GRIA2: variants seen among roughly 807,000 people sequenced by gnomAD.
The protein encoded by GRIA2 is glutamate ionotropic receptor AMPA type subunit 2.
In GRIA2, 14 loss-of-function variants were observed where a neutral mutation model predicts 97.3. The observed-to-expected ratio is 0.14, with a 90% confidence interval of 0.10 to 0.23. The LOEUF is 0.23. Among genes scored for constraint, GRIA2 ranks in the 10% least tolerant of loss-of-function variants. The pLI is 1.00. For synonymous variants in GRIA2, 412 were observed against 387.8 expected, an observed-to-expected ratio of 1.06 and a Z score of -0.73; for missense variants, 558 against 1,069.8, an observed-to-expected ratio of 0.52 and a Z score of 6.67.
intron 12 of GRIA2, among the ~76,000 whole-genome samples, chr4:157,348,594 T>C (rs561855094): frequency 6.6e-6 from 1 of 152,094 alleles, no homozygotes; most frequent in African/African-American, 2.4e-5. Flanking sequence ...CAATGACAAA[T>C]ATTATCAAAG....
chr4:157,318,267 T>G (rs997327544), intron 5 of GRIA2, among the ~76,000 whole-genome samples: 23 of 152,270 alleles, frequency 1.5e-4, no homozygotes, highest in East Asian at 1.9e-4. Context: ...CTCTGCATAT[T>G]CCTTTAATTT....
chr4:157,225,439 C>T (rs935903315), intron 2 of GRIA2, among the ~76,000 whole-genome samples: 2 of 151,608 alleles, frequency 1.3e-5, no homozygotes, highest in Admixed American at 6.6e-5. Context: ...GTTGTTCAAA[C>T]GTAAGCCTTC....
At chr4:157,356,179 A>ATATATT (rs1328430000) in intron 12 of GRIA2, among the ~76,000 whole-genome samples, 1 of 131,010 alleles carries the variant, frequency 7.6e-6, no homozygotes, top group African/African-American at 2.9e-5. Flanking sequence ...ATATATATTT[A>ATATATT]TATATTTATT....
chr4:157,290,842 C>CA (rs1411535217), intron 2 of GRIA2, among the ~76,000 whole-genome samples: 1 of 151,664 alleles, frequency 6.6e-6, no homozygotes, highest in Non-Finnish European at 1.5e-5. Context: ...GCCAGACAAC[C>CA]AACCTGGGTA....
At chr4:157,275,365 T>G (rs1732245458) in intron 2 of GRIA2, among the ~76,000 whole-genome samples, 1 of 152,226 alleles carries the variant, frequency 6.6e-6, no homozygotes, top group Non-Finnish European at 1.5e-5. Context: ...AGAAGCTCTT[T>G]AGTTTAATTA....
At chr4:157,318,590 T>A (rs1374113959) in intron 5 of GRIA2, among the ~76,000 whole-genome samples, 1 of 152,228 alleles carries the variant, frequency 6.6e-6, no homozygotes, top group South Asian at 2.1e-4. Context: ...AACAGAGTAG[T>A]TAATTCTATT....
chr4:157,291,501 A>G (rs1303504643), intron 2 of GRIA2, among the ~76,000 whole-genome samples: 2 of 151,994 alleles, frequency 1.3e-5, no homozygotes, highest in African/African-American at 4.8e-5. Flanking sequence ...AATTATTCAC[A>G]TAACCTATGG....
chr4:157,268,854 A>G (rs1292668792), intron 2 of GRIA2, among the ~76,000 whole-genome samples: 2 of 152,070 alleles, frequency 1.3e-5, no homozygotes, highest in Non-Finnish European at 2.9e-5. Flanking sequence ...AAACCAAGAA[A>G]GGAAGGAAAT....
Position 157,362,788 on chromosome 4 carries a change from A to G in GRIA2, c.2407-11A>G, listed in dbSNP as rs746307599. ...CCTTCCTAATAACCTCTTCTCATAT[A>G]CATTCTTTAGGAAAAGACCAGTGCC... On this transcript the variant is annotated splice_polypyrimidine_tract_variant and intron_variant, in intron 14 of 15. Coordinates refer to ENST00000264426, the MANE Select transcript of GRIA2 (RefSeq NM_001083619.3). 1.2e-5 allele frequency: 20 copies of G among 1,607,590 alleles called. No homozygotes were observed. The Middle Eastern group carries it at 6.7e-4, about 54-fold the overall frequency.
chr4:157,253,149 CT>C (rs1731088215), intron 2 of GRIA2, among the ~76,000 whole-genome samples: 1 of 150,230 alleles, frequency 6.7e-6, no homozygotes, highest in Non-Finnish European at 1.5e-5. Context: ...CAGGGTCTTG[CT>C]GTGTCGCCCA....
At chr4:157,349,806 T>A (rs1475078649) in intron 12 of GRIA2, among the ~76,000 whole-genome samples, 1 of 152,088 alleles carries the variant, frequency 6.6e-6, no homozygotes, top group Non-Finnish European at 1.5e-5. Context: ...AATGCCCTAT[T>A]TCTGAATGCA....
intron 2 of GRIA2, among the ~76,000 whole-genome samples, chr4:157,290,482 T>C (rs1456149806): frequency 6.7e-6 from 1 of 149,976 alleles, no homozygotes; most frequent in Non-Finnish European, 1.5e-5. Context: ...AACTCCATTC[T>C]TGTCTGGTTA....
At chr4:157,265,477 C>T (rs1334267104) in intron 2 of GRIA2, among the ~76,000 whole-genome samples, 3 of 152,180 alleles carry the variant, frequency 2.0e-5, no homozygotes, top group South Asian at 4.1e-4. Flanking sequence ...TGCATGATGA[C>T]TGCATTCTAA....
At chr4:157,345,360 C>A (rs1347352049) in intron 12 of GRIA2, among the ~76,000 whole-genome samples, 1 of 151,750 alleles carries the variant, frequency 6.6e-6, no homozygotes, top group Non-Finnish European at 1.5e-5. Flanking sequence ...TTATGGAACC[C>A]ATGCACATCC....
chr4:157,354,150 CGA>C (rs912194984), intron 12 of GRIA2, among the ~76,000 whole-genome samples: 6 of 148,038 alleles, frequency 4.1e-5, no homozygotes, highest in Non-Finnish European at 9.2e-5. Flanking sequence ...AAAGGAATGT[CGA>C]GAGAAATATT....
At chr4:157,340,202 G>T (rs997191241) in intron 11 of GRIA2, among the ~76,000 whole-genome samples, 1 of 151,716 alleles carries the variant, frequency 6.6e-6, no homozygotes, top group African/African-American at 2.4e-5. Context: ...ATCACAAATT[G>T]CCAATCATGA....
At chr4:157,236,573 T>A (rs1411722445) in intron 2 of GRIA2, among the ~76,000 whole-genome samples, 1 of 152,122 alleles carries the variant, frequency 6.6e-6, no homozygotes, top group Non-Finnish European at 1.5e-5. Context: ...TTGCTATGAG[T>A]GGAATAACTT....
At position 157,305,833 on chromosome 4, in the gene GRIA2, T is replaced by C. The variant is rs72962868; in HGVS notation, c.469+2042T>C. Among the ~76,000 whole-genome samples, 440 of 152,250 alleles carry C rather than the reference T, an allele frequency of 2.9e-3. 3 individuals are homozygous for C. The highest frequency in any genetic ancestry group is 0.01 in the African/African-American group (423 of 41,566). On this transcript the variant is annotated intron_variant, in intron 3 of 15. Transcript: ENST00000264426. ...AGAATTGCCTATTGAGCCCCTGCTA[T>C]GTTCCAGGGACTGTCTTAGTGTCAT... is the stretch of plus-strand genomic sequence containing the variant.
At chr4:157,268,531 G>C (rs965097595) in intron 2 of GRIA2, among the ~76,000 whole-genome samples, 1 of 151,808 alleles carries the variant, frequency 6.6e-6, no homozygotes, top group Non-Finnish European at 1.5e-5. Context: ...TATTGTTGCT[G>C]TTATACCAAG....
Sources: allele counts gnomAD v4.1 joint callset (sites outside exome capture counted in the v4.1 genomes callset), GRCh38; gene constraint gnomAD v4.1.1; transcripts MANE v1.5; gene names NCBI Gene and HGNC (gene_info 2026-07-23, HGNC 2026-07-21).